The following PLXDC1 variants were observed in gnomAD, a reference collection of about 807,000 sequenced individuals.
The protein encoded by PLXDC1 is plexin domain-containing protein 1.
In PLXDC1, 39 loss-of-function variants were observed where a neutral mutation model predicts 61.3. That is an observed-to-expected ratio of 0.64 (90% CI 0.49 to 0.83). The LOEUF is 0.83. Ranked by LOEUF, PLXDC1 falls within the 40% of genes least tolerant of loss-of-function variation. PLXDC1 has a pLI of 0.00. For synonymous variants in PLXDC1, 212 were observed against 254.5 expected (o/e 0.83, Z 1.59); for missense variants, 596 against 666.5 (o/e 0.89, Z 1.17).
At chr17:39,142,129 A>C (rs1021037219) in intron 1 of PLXDC1, among the ~76,000 whole-genome samples, 4 of 152,084 alleles carry the variant, frequency 2.6e-5, no homozygotes, top group African/African-American at 9.7e-5. Flanking sequence ...TCCCCATCCC[A>C]AGCTGTGACA....
At chr17:39,079,565 C>A (rs1233690028) in intron 9 of PLXDC1, 9 of 457,130 alleles carry the variant, frequency 2.0e-5, no homozygotes. Flanking sequence ...AAAGGTAGGC[C>A]TCAGCAGACT....
At chr17:39,092,624 A>G (rs772531893) in intron 7 of PLXDC1, among the ~76,000 whole-genome samples, 2 of 152,222 alleles carry the variant, frequency 1.3e-5, no homozygotes, top group Non-Finnish European at 2.9e-5. Flanking sequence ...ACAGACAGAC[A>G]TCGCTGCTCT....
chr17:39,085,676 C>A (rs976941713), intron 8 of PLXDC1, among the ~76,000 whole-genome samples: 2 of 152,106 alleles, frequency 1.3e-5, no homozygotes, highest in Non-Finnish European at 2.9e-5. Context: ...CCAGGAGGGA[C>A]CAGCTACAGA....
At chr17:39,070,944 C>T (rs532163704) in intron 12 of PLXDC1, among the ~76,000 whole-genome samples, 1 of 152,340 alleles carries the variant, frequency 6.6e-6, no homozygotes, top group East Asian at 1.9e-4. Context: ...CACCACTGCA[C>T]TCCAGCATGG....
intron 1 of PLXDC1, among the ~76,000 whole-genome samples, chr17:39,149,067 C>G (rs1162659677): frequency 6.6e-6 from 1 of 152,154 alleles, no homozygotes; most frequent in Non-Finnish European, 1.5e-5. Context: ...GCTCTGCACC[C>G]CAAGGCCATT....
At chr17:39,115,032 C>A (rs1910923748) in intron 2 of PLXDC1, among the ~76,000 whole-genome samples, 1 of 152,326 alleles carries the variant, frequency 6.6e-6, no homozygotes, top group South Asian at 2.1e-4. Flanking sequence ...ATCTTCCTGG[C>A]CCGTTGCTCG....
intron 13 of PLXDC1, among the ~76,000 whole-genome samples, chr17:39,068,173 G>A (rs116431735): frequency 0.017 from 2,547 of 152,320 alleles, 78 homozygotes; most frequent in African/African-American, 0.059. Flanking sequence ...CCGAAAGCTA[G>A]AGTGTGGAAG....
chr17:39,081,227 G>A (rs1218229353), intron 9 of PLXDC1: 2 of 152,560 alleles, frequency 1.3e-5, no homozygotes, highest in East Asian at 1.9e-4. Flanking sequence ...ATTCTGCAAC[G>A]CTCTGCTCCA....
At chr17:39,074,175 C>A (rs551859399) in intron 11 of PLXDC1, among the ~76,000 whole-genome samples, 55 of 152,202 alleles carry the variant, frequency 3.6e-4, no homozygotes, top group African/African-American at 1.3e-3. Flanking sequence ...TGCCAAGATG[C>A]CTTGCAAGTT....
At chr17:39,072,832 C>A (rs371781895) in intron 11 of PLXDC1, among the ~76,000 whole-genome samples, 2 of 152,156 alleles carry the variant, frequency 1.3e-5, no homozygotes, top group East Asian at 1.9e-4. Flanking sequence ...CCTGGAGACT[C>A]CCTGGGGCTG....
intron 2 of PLXDC1, among the ~76,000 whole-genome samples, chr17:39,124,418 C>T (rs1368121185): frequency 6.6e-6 from 1 of 152,154 alleles, no homozygotes; most frequent in Non-Finnish European, 1.5e-5. Context: ...CATAGGGAGC[C>T]TCCATCTCTA....
chr17:39,124,533 C>T (rs1003561386), intron 2 of PLXDC1, among the ~76,000 whole-genome samples: 35 of 152,266 alleles, frequency 2.3e-4, no homozygotes, highest in African/African-American at 6.3e-4. Context: ...GTCAAGGCTG[C>T]AGTGAACTAT....
chr17:39,151,264 C>A lies in PLXDC1; in HGVS notation c.76+98G>T. 1 of 924,676 alleles carries A rather than the reference C, an allele frequency of 1.1e-6. No homozygotes were observed. Among genetic ancestry groups the A allele is most frequent in the Non-Finnish European group, 1.4e-6 (1 of 705,126 alleles). 57.3% of individuals were successfully genotyped at this position (924,676 alleles called of 1,614,324 possible). ...CCTCCTGCGGACAATGCCCCCCTCG[C>A]GGACATCGCCAGGCCGTCCACACCT... is the stretch of plus-strand genomic sequence containing the variant. On this transcript the variant is annotated intron_variant, in intron 1 of 13. Coordinates refer to ENST00000315392, the MANE Select transcript of PLXDC1 (RefSeq NM_020405.5). This position sits in a 1 kb window ranked among gnomAD's most constrained non-coding sequence, Gnocchi z 5.2.
intron 2 of PLXDC1, among the ~76,000 whole-genome samples, chr17:39,118,084 C>CCTTCCTTCCTTCCTT (rs56792110): frequency 6.5e-4 from 66 of 101,926 alleles, no homozygotes; most frequent in African/African-American, 1.4e-3. Flanking sequence ...CTCCCTCCCT[C>CCTTCCTTCCTTCCTT]CCTTCCTTCC....
At position 39,083,537 on chromosome 17, in the gene PLXDC1, C is replaced by T. The variant is rs1909637946; in HGVS notation, c.911G>A (p.Cys304Tyr). ...GGCGTCACAGCTCCTATGCTGCAGG[C>T]AGGCTGCAAGAGAGAAGGCAGTGGC... The part of the protein sequence containing the change: ...SAVEFTPLPT[C>Y]LQHRSCDACM... The change falls in exon 9 of 14, where the codon TGC becomes TAC. Residue 304 changes from cysteine to tyrosine, a missense_variant. By Grantham distance (194) the Cys-to-Tyr change is radical. Transcript: ENST00000315392. 5.0e-6 allele frequency: 8 copies of T among 1,611,162 alleles called. No homozygotes were observed. The highest frequency in any genetic ancestry group is 6.8e-6 in the Non-Finnish European group (8 of 1,178,688).
chr17:39,119,991 G>T (rs1911108077), intron 2 of PLXDC1, among the ~76,000 whole-genome samples: 1 of 151,926 alleles, frequency 6.6e-6, no homozygotes, highest in African/African-American at 2.4e-5. Context: ...CCTCCCTTTT[G>T]CAGTTTAGAC....
intron 7 of PLXDC1, among the ~76,000 whole-genome samples, chr17:39,097,730 A>AAATG (rs1910260758): frequency 1.3e-5 from 2 of 150,156 alleles, no homozygotes; most frequent in African/African-American, 4.9e-5. Context: ...ATAAATAAAT[A>AAATG]AATAAATAAA....
chr17:39,148,354 C>T (rs1427439533), intron 1 of PLXDC1, among the ~76,000 whole-genome samples: 7 of 152,110 alleles, frequency 4.6e-5, no homozygotes, highest in Non-Finnish European at 8.8e-5. Flanking sequence ...CAGGCGCACA[C>T]CGCCATGCCC....
intron 4 of PLXDC1, 67 bp downstream of exon 4, chr17:39,108,836 CT>C: frequency 9.3e-7 from 1 of 1,073,468 alleles, no homozygotes; most frequent in Non-Finnish European, 1.4e-6. Flanking sequence ...TGAGCCACCC[CT>C]GGGAGGGCCC....
Sources: allele counts gnomAD v4.1 joint callset (sites outside exome capture counted in the v4.1 genomes callset), GRCh38; gene constraint gnomAD v4.1.1; non-coding constraint Gnocchi (gnomAD v3.1); transcripts MANE v1.5; gene names NCBI Gene and HGNC (gene_info 2026-07-23, HGNC 2026-07-21).